Variants in PIWIL2 observed in about 807,000 individuals in gnomAD.
PIWIL2 encodes the protein piwi like RNA-mediated gene silencing 2, also known as piwi-like protein 2.
A neutral mutation model predicts 116.5 loss-of-function variants in PIWIL2; 81 were observed. That is an observed-to-expected ratio of 0.70 (90% CI 0.58 to 0.84). The LOEUF is 0.84. PIWIL2 is among the 40% of genes least tolerant of loss of function. PIWIL2 has a pLI of 0.00. For missense variants in PIWIL2, 1,272 were observed against 1,212.3 expected, an observed-to-expected ratio of 1.05 and a Z score of -0.73; for synonymous variants, 489 against 429.5, an observed-to-expected ratio of 1.14 and a Z score of -1.71.
chr8:22,308,196 A>ATTTT, intron 14 of PIWIL2, 123 bp downstream of exon 14: 4 of 725,792 alleles, frequency 5.5e-6, no homozygotes, highest in Non-Finnish European at 8.2e-6. Context: ...TATTTTTCTA[A>ATTTT]GTTTTTTTTT....
chr8:22,322,521 C>T (rs890654273), intron 20 of PIWIL2, among the ~76,000 whole-genome samples: 4 of 152,148 alleles, frequency 2.6e-5, no homozygotes, highest in African/African-American at 7.2e-5. Context: ...GCCTACTCAG[C>T]GTCCCAGAGT....
At chr8:22,318,406 C>T in intron 20 of PIWIL2, 131 bp downstream of exon 20, 2 of 566,312 alleles carry the variant, frequency 3.5e-6, no homozygotes, top group Non-Finnish European at 6.3e-6. Flanking sequence ...CAACCTCTGC[C>T]TCCTGGGTTC....
chr8:22,325,481 C>CTTTTTTTTTTTTTTTTCTT, intron 20 of PIWIL2, among the ~76,000 whole-genome samples: 1 of 95,040 alleles, frequency 1.1e-5, no homozygotes, highest in Non-Finnish European at 2.0e-5. Context: ...TTGATTTAGT[C>CTTTTTTTTTTTTTTTTCTT]TTTTTTTTTT....
Position 22,305,946 on chromosome 8 carries a change from T to G in PIWIL2, c.1475T>G (p.Leu492Arg). 1 of 1,613,936 alleles carries G rather than the reference T, an allele frequency of 6.2e-7. No individual in the cohort carries two copies. Among genetic ancestry groups the G allele is most frequent in the Non-Finnish European group, 8.5e-7 (1 of 1,179,788 alleles). ...NHGMLLKGEI[L>R]LLPELSFMTG... ...TCAAAGCTGCTAAAAGGGGAAATCC[T>G]GCTGCTGCCTGAGCTTTCTTTTATG... Residue 492 changes from leucine to arginine, a missense_variant, in exon 13 of 23, where the codon CTG (leucine) becomes CGG (arginine). By Grantham distance (102) the Leu-to-Arg change is moderately radical. Coordinates refer to ENST00000356766, the MANE Select transcript of PIWIL2 (RefSeq NM_018068.5).
intron 10 of PIWIL2, among the ~76,000 whole-genome samples, chr8:22,295,779 GCTTTT>G (rs1283854700): frequency 6.6e-6 from 1 of 152,050 alleles, no homozygotes; most frequent in Admixed American, 6.6e-5. Flanking sequence ...AAATGTAACA[GCTTTT>G]CTTTTCATCA....
chr8:22,321,798 A>C, intron 20 of PIWIL2: 1 of 919,928 alleles, frequency 1.1e-6, no homozygotes, highest in Non-Finnish European at 1.3e-6. Context: ...GGGTTCTAAG[A>C]TTCTGACTAC....
At chr8:22,325,036 C>T (rs1275393635) in intron 20 of PIWIL2, among the ~76,000 whole-genome samples, 2 of 152,116 alleles carry the variant, frequency 1.3e-5, no homozygotes, top group East Asian at 1.9e-4. Flanking sequence ...GTATGACAGC[C>T]GTAGCAGACT....
chr8:22,354,868 G>A (rs543695848), intron 22 of PIWIL2, among the ~76,000 whole-genome samples: 6 of 152,216 alleles, frequency 3.9e-5, no homozygotes, highest in Admixed American at 3.3e-4. Flanking sequence ...CCAGGAGTTC[G>A]AGACCAGCCT....
chr8:22,321,975 C>G, intron 20 of PIWIL2: 1 of 985,180 alleles, frequency 1.0e-6, no homozygotes, highest in Non-Finnish European at 1.2e-6. Flanking sequence ...CTCACTTGTC[C>G]TCTGGACTCG....
intron 16 of PIWIL2, among the ~76,000 whole-genome samples, chr8:22,312,918 G>A (rs1350140290): frequency 1.3e-5 from 2 of 152,140 alleles, no homozygotes; most frequent in African/African-American, 4.8e-5. Context: ...TGGGATTACA[G>A]GTGTGAGCCA....
At chr8:22,307,828 C>T in intron 13 of PIWIL2, 105 bp from the exon 14 acceptor site, 1 of 803,694 alleles carries the variant, frequency 1.2e-6, no homozygotes, top group Non-Finnish European at 1.9e-6. Context: ...AAAATTTCTG[C>T]TGATTTCAAT....
intron 10 of PIWIL2, among the ~76,000 whole-genome samples, chr8:22,294,801 C>T (rs1830853330): frequency 6.8e-6 from 1 of 146,534 alleles, no homozygotes; most frequent in African/African-American, 2.5e-5. Context: ...TGGCTCATGC[C>T]TGTCATCCCA....
intron 5 of PIWIL2, among the ~76,000 whole-genome samples, chr8:22,283,785 C>A (rs1006508784): frequency 1.8e-4 from 27 of 152,202 alleles, no homozygotes; most frequent in African/African-American, 6.3e-4. Context: ...GACTCACGGC[C>A]TTTCGTTTCC....
chr8:22,328,499 A>T (rs1320103795), intron 20 of PIWIL2, among the ~76,000 whole-genome samples: 1 of 152,168 alleles, frequency 6.6e-6, no homozygotes, highest in African/African-American at 2.4e-5. Context: ...TAGGGATTGT[A>T]TTGAATATCT....
rs765382497 is a variant in PIWIL2 at position 22,289,891 on chromosome 8, A to G, written c.1031A>G (p.Tyr344Cys). Residue 344 changes from tyrosine (Y) to cysteine (C), a missense_variant, in exon 9 of 23, where the codon TAT becomes TGT. Transcript: ENST00000356766. ...ATGAAGCTTGTGGGGAGAAACTTTT[A>G]TGACCCTACAAGTGCTATGGTACTA... Reference protein sequence around the residue: ...LDMKLVGRNFYDPTSAMVLQQ... With the variant: ...LDMKLVGRNFCDPTSAMVLQQ... The G allele has an allele frequency of 3.1e-6, 5 of 1,612,570 alleles. No homozygotes were observed. The Admixed American group carries it at 5.0e-5, about 16-fold the overall frequency.
intron 20 of PIWIL2, among the ~76,000 whole-genome samples, chr8:22,351,209 C>T (rs1272311725): frequency 6.6e-6 from 1 of 150,956 alleles, no homozygotes; most frequent in Non-Finnish European, 1.5e-5. Flanking sequence ...GTTCCAGCTA[C>T]TTGACAGGCT....
At chr8:22,281,283 C>T (rs1830493173) in intron 3 of PIWIL2, 76 bp downstream of exon 3, 4 of 1,548,932 alleles carry the variant, frequency 2.6e-6, no homozygotes, top group Middle Eastern at 1.7e-4. Flanking sequence ...GGTTTATTTT[C>T]AGAAACGTAA....
chr8:22,354,774 G>T lies in PIWIL2; in HGVS notation c.2765+396G>T, dbSNP rs577608539. On this transcript the variant is annotated intron_variant, in intron 22 of 22. Transcript: ENST00000356766. ...AATATTTTCTCTTTGTGTTGTTTTC[G>T]TATAAAAACAGGAGGCTGGGTGCGG... Among the ~76,000 whole-genome samples the T allele has an allele frequency of 1.7e-3, 255 of 152,160 alleles. 1 individual carries two copies. Among genetic ancestry groups the T allele is most frequent in the Non-Finnish European group, 3.2e-3 (218 of 68,000 alleles).
intron 20 of PIWIL2, among the ~76,000 whole-genome samples, chr8:22,319,343 T>C (rs1184190565): frequency 2.6e-5 from 4 of 152,252 alleles, no homozygotes; most frequent in South Asian, 2.1e-4. Context: ...CCATATGTTA[T>C]GCTACTGAGT....
Sources: gnomAD v4.1 joint callset for allele counts (sites outside exome capture counted in the v4.1 genomes callset) on GRCh38, gnomAD v4.1.1 for gene constraint, MANE v1.5 for transcripts, NCBI Gene and HGNC (gene_info 2026-07-23, HGNC 2026-07-21) for gene names.